Variants in C10orf67 observed in about 807,000 individuals in gnomAD.
The protein encoded by C10orf67 is uncharacterized protein C10orf67, mitochondrial.
Under a neutral mutation model 35.6 loss-of-function variants are expected in C10orf67, and 60 were observed. The ratio of observed to expected loss-of-function variants is 1.68; its 90% CI spans 1.37 to 2.09. The LOEUF (loss-of-function observed/expected upper bound fraction) is 2.09. Among genes scored for constraint, C10orf67 ranks in the 30% most tolerant of loss-of-function variants. The pLI, the probability that C10orf67 is intolerant of heterozygous loss-of-function variation, is 0.00. For synonymous variants in C10orf67, 167 were observed against 115.8 expected (o/e 1.44, Z -2.84); for missense variants, 474 against 330.2 (o/e 1.44, Z -3.38).
intron 4 of C10orf67, chr10:23,318,031 G>A (rs1844795967): frequency 7.6e-6 from 1 of 130,988 alleles, no homozygotes; most frequent in Admixed American, 8.5e-5. Context: ...GAGTCCAGAA[G>A]TTTAAGGCTA....
intron 1 of C10orf67, among the ~76,000 whole-genome samples, chr10:23,337,762 C>G (rs143281121): frequency 5.3e-5 from 8 of 152,020 alleles, no homozygotes; most frequent in Non-Finnish European, 1.2e-4. Flanking sequence ...GAACCCAACC[C>G]GAGAAGTTCT....
intron 8 of C10orf67, among the ~76,000 whole-genome samples, chr10:23,272,302 C>T (rs556341765): frequency 6.6e-6 from 1 of 152,162 alleles, no homozygotes; most frequent in Non-Finnish European, 1.5e-5. Context: ...TCTCTTATAC[C>T]TTATTCTAGA....
intron 1 of C10orf67, among the ~76,000 whole-genome samples, chr10:23,333,901 G>A (rs1389900785): frequency 2.6e-5 from 4 of 152,092 alleles, no homozygotes; most frequent in African/African-American, 9.7e-5. Flanking sequence ...GGAGGTTGAG[G>A]CTGCAGTGAG....
At chr10:23,205,356 A>T (rs564472414) in intron 15 of C10orf67, among the ~76,000 whole-genome samples, 1 of 152,126 alleles carries the variant, frequency 6.6e-6, no homozygotes, top group East Asian at 1.9e-4. Flanking sequence ...CATCCCAGAA[A>T]CTCCAGGAGG....
At chr10:23,319,044 G>C (rs1328939235) in intron 4 of C10orf67, 1 of 671,302 alleles carries the variant, frequency 1.5e-6, no homozygotes, top group African/African-American at 1.8e-5. Flanking sequence ...ACATGTACAG[G>C]TTTATTACAT....
At chr10:23,230,070 A>C (rs565871019) in intron 13 of C10orf67, among the ~76,000 whole-genome samples, 1 of 152,140 alleles carries the variant, frequency 6.6e-6, no homozygotes, top group African/African-American at 2.4e-5. Flanking sequence ...ACAGGGCATG[A>C]GCATTAGCCT....
Position 23,320,832 on chromosome 10 carries a change from A to G in C10orf67, c.472-17T>C, listed in dbSNP as rs923576238. On this transcript the variant is annotated splice_polypyrimidine_tract_variant and intron_variant, in intron 3 of 15. Coordinates refer to ENST00000636213, the MANE Select transcript of C10orf67 (RefSeq NM_001371909.1). ...ATCCTCATTCTGCAAACAAAAATAA[A>G]TGCAATAAGCACCATAATGTATTTC... is the stretch of plus-strand genomic sequence containing the variant. 5 of 1,532,546 alleles carry G rather than the reference A, an allele frequency of 3.3e-6. No homozygotes were observed. The highest frequency in any genetic ancestry group is 2.3e-5 in the East Asian group (1 of 42,712). The allele number at this position is 1,532,546 out of a possible 1,614,324, so 94.9% of individuals were successfully genotyped here.
intron 5 of C10orf67, among the ~76,000 whole-genome samples, chr10:23,294,013 C>A (rs1843802656): frequency 6.6e-6 from 1 of 152,214 alleles, no homozygotes; most frequent in Non-Finnish European, 1.5e-5. Context: ...CTTCAGAGCA[C>A]TTTCTGTGCC....
chr10:23,288,644 G>A (rs1766465150), intron 7 of C10orf67, among the ~76,000 whole-genome samples: 1 of 152,144 alleles, frequency 6.6e-6, no homozygotes, highest in Non-Finnish European at 1.5e-5. Flanking sequence ...TATCTTGAAT[G>A]GCAATATCAG....
Position 23,323,714 on chromosome 10 carries a change from C to A in C10orf67, c.328-1177G>T, listed in dbSNP as rs142021805. Among the ~76,000 whole-genome samples, 667 of 150,300 alleles carry A rather than the reference C, an allele frequency of 4.4e-3. 4 individuals carry two copies. Among genetic ancestry groups the A allele is most frequent in the African/African-American group, 0.015 (630 of 40,850 alleles). ...TCACCTGAAGTCAGGAGTTTGAGAC[C>A]AACCTGGCTGACATGGTGAAACCCT... On this transcript the variant is annotated intron_variant, in intron 2 of 15. Transcript: ENST00000636213.
chr10:23,218,729 C>T (rs916729762), intron 15 of C10orf67, among the ~76,000 whole-genome samples: 7 of 152,054 alleles, frequency 4.6e-5, no homozygotes, highest in Non-Finnish European at 8.8e-5. Context: ...CAGGTTAGTC[C>T]TGGTATTAAC....
intron 10 of C10orf67, among the ~76,000 whole-genome samples, chr10:23,264,149 T>C (rs999405613): frequency 6.6e-6 from 1 of 152,160 alleles, no homozygotes; most frequent in Non-Finnish European, 1.5e-5. Context: ...GCTACCTCCA[T>C]GGAGTTAAAT....
intron 15 of C10orf67, among the ~76,000 whole-genome samples, chr10:23,216,336 A>G (rs1259909177): frequency 6.6e-6 from 1 of 152,186 alleles, no homozygotes; most frequent in African/African-American, 2.4e-5. Flanking sequence ...TCATATCAGC[A>G]AAAATTAAAA....
intron 15 of C10orf67, among the ~76,000 whole-genome samples, chr10:23,213,469 A>G (rs1264852620): frequency 6.6e-6 from 1 of 152,320 alleles, no homozygotes; most frequent in South Asian, 2.1e-4. Flanking sequence ...ACTTCTTATA[A>G]TCCTAAGTAG....
intron 4 of C10orf67, among the ~76,000 whole-genome samples, chr10:23,311,112 A>G (rs1844478043): frequency 6.6e-6 from 1 of 152,190 alleles, no homozygotes; most frequent in Non-Finnish European, 1.5e-5. Context: ...AATTACAGGC[A>G]TGAACCACCA....
At chr10:23,327,547 C>T (rs192347950) in intron 2 of C10orf67, among the ~76,000 whole-genome samples, 2 of 152,242 alleles carry the variant, frequency 1.3e-5, no homozygotes, top group Non-Finnish European at 2.9e-5. Flanking sequence ...AATTTCCTGG[C>T]CAGGCACGTT....
At chr10:23,292,183 T>C (rs903406350) in intron 5 of C10orf67, among the ~76,000 whole-genome samples, 1 of 145,448 alleles carries the variant, frequency 6.9e-6, no homozygotes, top group Non-Finnish European at 1.5e-5. Flanking sequence ...TTTTTTGCCT[T>C]CTTCTTCTTG....
intron 13 of C10orf67, among the ~76,000 whole-genome samples, chr10:23,229,931 T>G: frequency 6.6e-6 from 1 of 152,136 alleles, no homozygotes; most frequent in East Asian, 1.9e-4. Context: ...ATAATTCTAA[T>G]TGAAATACCA....
At chr10:23,224,776 CA>C (rs1841689154) in intron 13 of C10orf67, among the ~76,000 whole-genome samples, 1 of 152,010 alleles carries the variant, frequency 6.6e-6, no homozygotes, top group Non-Finnish European at 1.5e-5. Context: ...GAAAAAGTAT[CA>C]GTGATTGAAG....
Sources: gnomAD v4.1 joint callset for allele counts (sites outside exome capture counted in the v4.1 genomes callset) on GRCh38, gnomAD v4.1.1 for gene constraint, MANE v1.5 for transcripts, NCBI Gene and HGNC (gene_info 2026-07-23, HGNC 2026-07-21) for gene names.